The following ATAD1 variants were observed in gnomAD, a reference collection of about 807,000 sequenced individuals.
ATAD1 encodes ATPase family AAA domain containing 1.
Under a neutral mutation model 42.7 loss-of-function variants are expected in ATAD1, and 18 were observed. The ratio of observed to expected loss-of-function variants is 0.42; its 90% CI spans 0.29 to 0.63. The LOEUF (loss-of-function observed/expected upper bound fraction) is 0.63, where lower values mean the gene tolerates loss of function less well. ATAD1 is among the 20% of genes least tolerant of loss of function. The pLI, the probability that ATAD1 is intolerant of heterozygous loss-of-function variation, is 0.19. For missense variants in ATAD1, 294 were observed against 440.4 expected, an observed-to-expected ratio of 0.67 and a Z score of 2.98; for synonymous variants, 132 against 143.1, an observed-to-expected ratio of 0.92 and a Z score of 0.55.
At chr10:87,806,885 C>T (rs1856948981) in intron 2 of ATAD1, among the ~76,000 whole-genome samples, 1 of 152,148 alleles carries the variant, frequency 6.6e-6, no homozygotes, top group South Asian at 2.1e-4. Flanking sequence ...GACACTTAGC[C>T]AGAGGAATCT....
Position 87,771,025 on chromosome 10 carries a change from G to A in ATAD1, c.707C>T (p.Ala236Val). Reference sequence around the variant, plus strand: ...GTCAAGGTCCTGAGGACGATTGGTAGCTCCCATTACTATGACCTAAGTGTA... The same window carrying A: ...GTCAAGGTCCTGAGGACGATTGGTAACTCCCATTACTATGACCTAAGTGTA... ...DHSCQVIVMG[A>V]TNRPQDLDSA... The change falls in exon 7 of 10, where the codon GCT becomes GTT. Residue 236 changes from alanine (A) to valine (V), a missense_variant. Ala to Val is a moderately conservative substitution (Grantham distance 64, BLOSUM62 0). Coordinates refer to ENST00000680024, the MANE Select transcript of ATAD1 (RefSeq NM_001321967.2). 1 of 1,613,046 alleles carries A rather than the reference G, an allele frequency of 6.2e-7. No individual in the cohort carries two copies. Among genetic ancestry groups the A allele is most frequent in the Non-Finnish European group, 8.5e-7 (1 of 1,179,356 alleles).
intron 8 of ATAD1, among the ~76,000 whole-genome samples, chr10:87,764,611 TTA>T (rs1854648155): frequency 6.6e-6 from 1 of 152,248 alleles, no homozygotes; most frequent in Admixed American, 6.5e-5. Flanking sequence ...CACTGAGATA[TTA>T]TGTTTCTCCT....
At chr10:87,818,411 C>T, upstream of ATAD1, 1 of 269,838 alleles carries the variant, frequency 3.7e-6, no homozygotes, top group Non-Finnish European at 5.7e-6. Context: ...GCGAAGCCGG[C>T]GTGTCTGCGA....
At chr10:87,791,272 G>A (rs1856096177) in intron 3 of ATAD1, among the ~76,000 whole-genome samples, 1 of 151,382 alleles carries the variant, frequency 6.6e-6, no homozygotes, top group South Asian at 2.1e-4. Flanking sequence ...TAAAAACAGG[G>A]CATACGTATT....
chr10:87,818,234 G>A (rs1050172955), upstream of ATAD1: 2 of 985,542 alleles, frequency 2.0e-6, no homozygotes, highest in African/African-American at 1.7e-5. Context: ...CGCAACCTGG[G>A]AGAGAACGCT....
intron 8 of ATAD1, among the ~76,000 whole-genome samples, chr10:87,760,852 C>T (rs766237507): frequency 8.5e-5 from 13 of 152,140 alleles, no homozygotes; most frequent in Non-Finnish European, 1.5e-4. Flanking sequence ...TAAAGTCAGA[C>T]GAAATACTTT....
intron 5 of ATAD1, among the ~76,000 whole-genome samples, chr10:87,782,288 T>C (rs777240929): frequency 6.6e-6 from 1 of 152,186 alleles, no homozygotes; most frequent in African/African-American, 2.4e-5. Context: ...AATTAACACA[T>C]GTTCACACAC....
Position 87,814,433 on chromosome 10 carries a change from C to A in ATAD1, c.162+5G>T. On this transcript the variant is annotated splice_donor_5th_base_variant and intron_variant, in intron 2 of 9. Transcript: ENST00000680024. ...AAAAATGATCTTCAAACATTTCAAT[C>A]ATACCTGTTTCTGAGCTTCTACTTT... The A allele has an allele frequency of 6.3e-7, 1 of 1,574,826 alleles. No homozygotes were observed. The highest frequency in any genetic ancestry group is 1.2e-5 in the South Asian group (1 of 84,066).
intron 2 of ATAD1, among the ~76,000 whole-genome samples, chr10:87,813,149 A>G (rs985148698): frequency 5.3e-5 from 8 of 152,154 alleles, no homozygotes; most frequent in Admixed American, 4.6e-4. Flanking sequence ...TATGTCTTCT[A>G]TATGTGTATT....
chr10:87,775,496 T>A (rs1589486905), intron 6 of ATAD1, among the ~76,000 whole-genome samples: 13 of 86,074 alleles, frequency 1.5e-4, no homozygotes, highest in Admixed American at 2.7e-4. Flanking sequence ...TTCCATGAGA[T>A]ATAAGTAAGT....
At chr10:87,822,343 TG>T, upstream of ATAD1, among the ~76,000 whole-genome samples, 1 of 152,316 alleles carries the variant, frequency 6.6e-6, no homozygotes, top group African/African-American at 2.4e-5. Context: ...TTAAGTAGAA[TG>T]GATGGAGAAA....
chr10:87,810,373 T>C (rs1229666933), intron 2 of ATAD1, among the ~76,000 whole-genome samples: 1 of 152,076 alleles, frequency 6.6e-6, no homozygotes, highest in Non-Finnish European at 1.5e-5. Flanking sequence ...CAATATACTA[T>C]ACATGTCCAT....
At chr10:87,834,529 T>G (rs1857895498) in intron 1 of ATAD1, among the ~76,000 whole-genome samples, 1 of 152,162 alleles carries the variant, frequency 6.6e-6, no homozygotes, top group Non-Finnish European at 1.5e-5. Flanking sequence ...TTTTGAGGAA[T>G]TAGTCTATTT....
intron 2 of ATAD1, among the ~76,000 whole-genome samples, chr10:87,794,181 C>T (rs1294740149): frequency 2.6e-5 from 4 of 152,192 alleles, no homozygotes. Context: ...AATCATGCCA[C>T]TGCATTCCAG....
chr10:87,839,860 A>G (rs1857998737), intron 1 of ATAD1, among the ~76,000 whole-genome samples: 1 of 152,034 alleles, frequency 6.6e-6, no homozygotes, highest in Admixed American at 6.5e-5. Flanking sequence ...CTCTTTAAAA[A>G]TCTGTCAACA....
chr10:87,818,050 G>T, intron 1 of ATAD1, 117 bp downstream of exon 1: 2 of 985,692 alleles, frequency 2.0e-6, no homozygotes, highest in South Asian at 9.4e-5. Flanking sequence ...GGTAGGGCGT[G>T]GGAGAAGACC....
rs954585742 is a variant in ATAD1 at position 87,817,665 on chromosome 10, G to A, written c.-14+502C>T. Reference sequence around the variant, plus strand: ...TACGAATACAGCCTATGACAATGAAGGCCTGCCAATCTTCACAAAGAGGGC... The same window carrying A: ...TACGAATACAGCCTATGACAATGAAAGCCTGCCAATCTTCACAAAGAGGGC... On this transcript the variant is annotated intron_variant, in intron 1 of 9. Transcript: ENST00000680024. 42 of 937,550 alleles carry A rather than the reference G, an allele frequency of 4.5e-5. No individual in the cohort carries two copies. The African/African-American group carries it at 7.3e-4, about 16-fold the overall frequency. 58.1% of individuals were successfully genotyped at this position (937,550 alleles called of 1,614,324 possible).
At chr10:87,780,230 C>T (rs12570639) in intron 5 of ATAD1, among the ~76,000 whole-genome samples, 44,663 of 151,980 alleles carry the variant, frequency 0.29, 6,772 homozygotes, top group Non-Finnish European at 0.31. Flanking sequence ...TAATGTATGA[C>T]TCCAACTGTA....
upstream of ATAD1, chr10:87,818,578 C>T (rs1230764826): frequency 6.6e-6 from 1 of 152,286 alleles, no homozygotes; most frequent in African/African-American, 2.4e-5. Flanking sequence ...CCAGCAAATA[C>T]ATTCTCTCCT....
Sources: gnomAD v4.1 joint callset for allele counts (sites outside exome capture counted in the v4.1 genomes callset) on GRCh38, gnomAD v4.1.1 for gene constraint, MANE v1.5 for transcripts, NCBI Gene and HGNC (gene_info 2026-07-23, HGNC 2026-07-21) for gene names.